The following TRMT13 variants were observed in gnomAD, a reference collection of about 807,000 sequenced individuals.
The protein encoded by TRMT13 is tRNA methyltransferase 13.
Under a neutral mutation model 55.9 loss-of-function variants are expected in TRMT13, and 45 were observed. The ratio of observed to expected loss-of-function variants is 0.80; its 90% confidence interval spans 0.63 to 1.03. The LOEUF is 1.03. TRMT13 is among the 50% of genes least tolerant of loss of function. TRMT13 has a pLI of 0.00. For missense variants in TRMT13, 513 were observed against 563.9 expected (o/e 0.91, Z 0.91); for synonymous variants, 183 against 196.3 (o/e 0.93, Z 0.57).
chr1:100,148,951 C>A lies in TRMT13; in HGVS notation c.*131C>A. The A allele has an allele frequency of 7.9e-7, 1 of 1,263,686 alleles. No individual in the cohort carries two copies. The highest frequency in any genetic ancestry group is 2.1e-5 in the South Asian group (1 of 47,668). 78.3% of individuals were successfully genotyped at this position (1,263,686 alleles called of 1,614,324 possible). A position where few individuals can be genotyped will look rare whatever the true frequency, so the allele number is the denominator to read the frequency against. Reference sequence around the variant, plus strand: ...TAAAAAATGCTGTGGCCTCATTAAACTTTGGTAATAGCTTTTCTTTTTACT... The same window carrying A: ...TAAAAAATGCTGTGGCCTCATTAAAATTTGGTAATAGCTTTTCTTTTTACT... On this transcript the variant is annotated 3_prime_UTR_variant, in exon 11 of 11. Transcript: ENST00000370141.
At chr1:100,145,209 A>G (rs1426252268) in intron 9 of TRMT13, among the ~76,000 whole-genome samples, 1 of 152,130 alleles carries the variant, frequency 6.6e-6, no homozygotes, top group Non-Finnish European at 1.5e-5. Context: ...TGTGTAGTAC[A>G]CTCTGATGTT....
At chr1:100,140,536 T>G in intron 6 of TRMT13, 22 bp downstream of exon 6, 1 of 1,482,162 alleles carries the variant, frequency 6.7e-7, no homozygotes, top group Non-Finnish European at 9.4e-7. Context: ...CTATAGTAAC[T>G]ACTAAACATG....
At chr1:100,148,539 GTC>G (rs893220057) in intron 10 of TRMT13, 84 bp from the exon 11 acceptor site, 11 of 1,282,364 alleles carry the variant, frequency 8.6e-6, no homozygotes, top group South Asian at 1.3e-5. Flanking sequence ...TTAGTTAACA[GTC>G]TCTCAATAAA....
At chr1:100,138,166 CTA>C (rs1656127923) in intron 3 of TRMT13, among the ~76,000 whole-genome samples, 1 of 152,150 alleles carries the variant, frequency 6.6e-6, no homozygotes, top group African/African-American at 2.4e-5. Flanking sequence ...ATCTGGTTCA[CTA>C]TGTAGAGTAG....
chr1:100,140,453 T>C lies in TRMT13; in HGVS notation c.440T>C (p.Leu147Ser), dbSNP rs959435814. The C allele has an allele frequency of 3.1e-6, 5 of 1,613,944 alleles. No individual in the cohort carries two copies. The African/African-American group carries it at 5.3e-5, about 17-fold the overall frequency. Residue 147 changes from leucine (L) to serine (S), a missense_variant, in exon 6 of 11, where the codon TTA (leucine) becomes TCA (serine). This residue lies in a region of TRMT13 where 298 missense variants were observed against 290.3 expected (regional missense o/e 1.03). Coordinates refer to ENST00000370141, the MANE Select transcript of TRMT13 (RefSeq NM_019083.3). Reference protein sequence around the residue: ...LKDHIMSHPALHDALNDPKNG... With the variant: ...LKDHIMSHPASHDALNDPKNG... ...GATCATATTATGTCCCATCCAGCATTACACGATGCACTTAATGACCCTAAA... is the reference window on the plus strand; with the variant it reads ...GATCATATTATGTCCCATCCAGCATCACACGATGCACTTAATGACCCTAAA...
chr1:100,149,270 T>A lies in TRMT13; in HGVS notation c.*450T>A. On this transcript the variant is annotated 3_prime_UTR_variant, in exon 11 of 11. Coordinates refer to ENST00000370141, the MANE Select transcript of TRMT13 (RefSeq NM_019083.3). ...AATTTGACTTATATGTGGACATTTT[T>A]CCCTACAGATCTGGAAAGCACAATT... 1 of 1,518,878 alleles carries A rather than the reference T, an allele frequency of 6.6e-7. No homozygotes were observed. The highest frequency in any genetic ancestry group is 8.8e-7 in the Non-Finnish European group (1 of 1,138,624). 94.1% of individuals were successfully genotyped at this position (1,518,878 alleles called of 1,614,324 possible).
intron 3 of TRMT13, 85 bp from the exon 4 acceptor site, chr1:100,139,564 G>T: frequency 1.3e-6 from 1 of 777,068 alleles, no homozygotes. Flanking sequence ...CAGAGCAGGG[G>T]ATAAAGGGAA....
intron 7 of TRMT13, among the ~76,000 whole-genome samples, chr1:100,142,242 G>A (rs1189572203): frequency 6.6e-6 from 1 of 152,172 alleles, no homozygotes; most frequent in Non-Finnish European, 1.5e-5. Flanking sequence ...TGACAGTTGA[G>A]ATGAGATTGA....
Position 100,135,190 on chromosome 1 carries a change from A to G in TRMT13, c.148-1692A>G, listed in dbSNP as rs114387924. Among the ~76,000 whole-genome samples, 336 of 152,336 alleles carry G rather than the reference A, an allele frequency of 2.2e-3. 4 individuals carry two copies. Among genetic ancestry groups the G allele is most frequent in the African/African-American group, 7.9e-3 (327 of 41,580 alleles). Reference sequence around the variant, plus strand: ...AAAGAATTACCTGCCCAAAACGTCAATAGTGCCAAGATTGAGAATTCCTGT... The same window carrying G: ...AAAGAATTACCTGCCCAAAACGTCAGTAGTGCCAAGATTGAGAATTCCTGT... On this transcript the variant is annotated intron_variant, in intron 1 of 10. Coordinates refer to ENST00000370141, the MANE Select transcript of TRMT13 (RefSeq NM_019083.3).
Position 100,148,166 on chromosome 1 carries a change from T to A in TRMT13, c.1090T>A (p.Phe364Ile). 6.2e-7 allele frequency: 1 copy of A among 1,614,188 alleles called. No homozygotes were observed. ...CCTTGGAGCAGTGGAATTCCATTAT[T>A]TCCAGCGAATGAGTAGTTGGGCAAC... ...LGLGAVEFHY[F>I]QRMSSWATCG... Residue 364 changes from phenylalanine to isoleucine, a missense_variant, in exon 10 of 11, where the codon TTC becomes ATC. Physicochemically the swap from Phe to Ile is conservative, Grantham distance 21 (BLOSUM62 0). This residue lies in a region of TRMT13 where 209 missense variants were observed against 255.8 expected (regional missense o/e 0.82). Coordinates refer to ENST00000370141, the MANE Select transcript of TRMT13 (RefSeq NM_019083.3).
intron 6 of TRMT13, 87 bp from the exon 7 acceptor site, chr1:100,140,765 G>A: frequency 7.8e-7 from 1 of 1,284,018 alleles, no homozygotes; most frequent in Non-Finnish European, 1.1e-6. Context: ...TAAGCATACT[G>A]CCTTATGCAG....
chr1:100,148,604 G>T, intron 10 of TRMT13, 21 bp from the exon 11 acceptor site: 1 of 1,584,986 alleles, frequency 6.3e-7, no homozygotes, highest in Non-Finnish European at 8.5e-7. Context: ...ACAATGTTTT[G>T]TGTGTGTTTA....
At chr1:100,145,820 G>A (rs1657172449) in intron 9 of TRMT13, among the ~76,000 whole-genome samples, 1 of 152,206 alleles carries the variant, frequency 6.6e-6, no homozygotes, top group Admixed American at 6.5e-5. Flanking sequence ...GCAGTCAACT[G>A]GGATAGCACC....
chr1:100,143,396 T>C (rs557874681), intron 8 of TRMT13, among the ~76,000 whole-genome samples, 187 bp downstream of exon 8: 68 of 152,358 alleles, frequency 4.5e-4, no homozygotes, highest in Non-Finnish European at 4.7e-4. Context: ...TTGAGAATTT[T>C]AAAAATTTTC....
At chr1:100,138,862 C>T (rs192870740) in intron 3 of TRMT13, among the ~76,000 whole-genome samples, 4 of 152,344 alleles carry the variant, frequency 2.6e-5, no homozygotes, top group African/African-American at 7.2e-5. Context: ...TAGAACATTT[C>T]CATCATTGCA....
intron 3 of TRMT13, among the ~76,000 whole-genome samples, chr1:100,137,698 G>A (rs1343596573): frequency 6.6e-6 from 1 of 152,154 alleles, no homozygotes; most frequent in African/African-American, 2.4e-5. Context: ...CAGTGCCTTT[G>A]CTTCTAAGAC....
chr1:100,143,081 A>G (rs1656813001), intron 7 of TRMT13, 56 bp from the exon 8 acceptor site: 4 of 1,206,818 alleles, frequency 3.3e-6, no homozygotes, highest in South Asian at 2.9e-5. Context: ...TTTTATTTTC[A>G]TAAAGCTTTT....
chr1:100,149,335 A>T lies in TRMT13; in HGVS notation c.*515A>T, dbSNP rs980159425. ...TGCAGACAATTCAGAGATATTCACA[A>T]TTAATAAACACAATTAATTAATGAA... On this transcript the variant is annotated 3_prime_UTR_variant, in exon 11 of 11. Transcript: ENST00000370141. 3 of 1,542,690 alleles carry T rather than the reference A, an allele frequency of 1.9e-6. No individual in the cohort carries two copies. In the Admixed American group the frequency reaches 6.1e-5, roughly 31 times the overall value.
Position 100,140,956 on chromosome 1 carries a change from T to A in TRMT13, c.606T>A (p.Ile202=). 1 of 1,613,842 alleles carries A rather than the reference T, an allele frequency of 6.2e-7. No individual in the cohort carries two copies. Residue 202 remains isoleucine (I), a synonymous_variant, in exon 7 of 11, where the codon ATT becomes ATA. Coordinates refer to ENST00000370141, the MANE Select transcript of TRMT13 (RefSeq NM_019083.3). The part of the protein sequence containing the change: ...GKGKLSHWVD[I]ALKDAEKVHF... ...GAAAATTATCTCATTGGGTTGATAT[T>A]GCCTTAAAAGATGCTGAAAAAGTTC... is the stretch of plus-strand genomic sequence containing the variant.
Sources: gnomAD v4.1 joint callset for allele counts (sites outside exome capture counted in the v4.1 genomes callset) on GRCh38, gnomAD v4.1.1 for gene constraint, gnomAD v4.1.1 regional missense constraint, MANE v1.5 for transcripts, NCBI Gene and HGNC (gene_info 2026-07-23, HGNC 2026-07-21) for gene names.